IQGAP1: variants seen among roughly 807,000 people sequenced by gnomAD.
IQGAP1 encodes the protein ras GTPase-activating-like protein IQGAP1.
Under a neutral mutation model 215.6 loss-of-function variants are expected in IQGAP1, and 66 were observed. The observed-to-expected ratio is 0.31, with a 90% CI of 0.25 to 0.38. IQGAP1 has a LOEUF of 0.38. Ranked by LOEUF, IQGAP1 falls within the 10% of genes least tolerant of loss-of-function variation. The probability of loss-of-function intolerance (pLI) is 1.00; values close to 1 mark genes in which losing one functional copy is unlikely to be tolerated. For synonymous variants in IQGAP1, 772 were observed against 728.7 expected, an observed-to-expected ratio of 1.06 and a Z score of -0.96; for missense variants, 1,712 against 1,997.1, an observed-to-expected ratio of 0.86 and a Z score of 2.72.
chr15:90,495,088 A>G (rs1301866345), intron 36 of IQGAP1, among the ~76,000 whole-genome samples: 1 of 152,230 alleles, frequency 6.6e-6, no homozygotes, highest in East Asian at 1.9e-4. Context: ...ATTTTTCCTC[A>G]TTAAAGCAGG....
chr15:90,396,365 C>G (rs1016026113), intron 2 of IQGAP1, among the ~76,000 whole-genome samples: 1 of 151,986 alleles, frequency 6.6e-6, no homozygotes, highest in Admixed American at 6.6e-5. Context: ...GAATATCATG[C>G]CCAGCACTTC....
intron 26 of IQGAP1, among the ~76,000 whole-genome samples, chr15:90,480,219 TTAA>T (rs60762045): frequency 0.21 from 27,948 of 131,422 alleles, 3,588 homozygotes; most frequent in African/African-American, 0.4. Context: ...ACCCCATATC[TTAA>T]AAAAAAAAAA....
intron 37 of IQGAP1, among the ~76,000 whole-genome samples, chr15:90,498,737 T>G (rs943715492): frequency 7.9e-5 from 12 of 152,038 alleles, no homozygotes; most frequent in African/African-American, 2.9e-4. Flanking sequence ...AACCTCCACC[T>G]CGTGGGTTCA....
chr15:90,413,848 G>C (rs1965004355), intron 2 of IQGAP1, among the ~76,000 whole-genome samples: 3 of 152,150 alleles, frequency 2.0e-5, no homozygotes, highest in Non-Finnish European at 4.4e-5. Context: ...TGGAAGCTCA[G>C]AGAAGTTAGC....
intron 33 of IQGAP1, among the ~76,000 whole-genome samples, chr15:90,488,716 G>A (rs928256607): frequency 2.6e-5 from 4 of 152,176 alleles, no homozygotes; most frequent in African/African-American, 9.7e-5. Flanking sequence ...ACCGGAGCCA[G>A]ATGTATAAAG....
intron 2 of IQGAP1, among the ~76,000 whole-genome samples, chr15:90,424,907 G>GATT (rs1216468764): frequency 3.9e-5 from 6 of 152,034 alleles, no homozygotes; most frequent in Non-Finnish European, 7.4e-5. Flanking sequence ...TAGAGTCAAT[G>GATT]AAGTCTCTGA....
At chr15:90,421,061 C>T (rs1965127844) in intron 2 of IQGAP1, among the ~76,000 whole-genome samples, 1 of 152,110 alleles carries the variant, frequency 6.6e-6, no homozygotes, top group South Asian at 2.1e-4. Flanking sequence ...TGCTTGAACC[C>T]GGAAGCCAGA....
chr15:90,439,700 C>G (rs555172173), intron 6 of IQGAP1, among the ~76,000 whole-genome samples: 2 of 152,106 alleles, frequency 1.3e-5, no homozygotes, highest in Non-Finnish European at 2.9e-5. Flanking sequence ...ACTAAATGTT[C>G]GGGTATGTTG....
chr15:90,467,258 C>T (rs1023199744), intron 17 of IQGAP1, among the ~76,000 whole-genome samples, 192 bp from the exon 18 acceptor site: 4 of 152,114 alleles, frequency 2.6e-5, no homozygotes, highest in Non-Finnish European at 5.9e-5. Flanking sequence ...CATAAATGAG[C>T]TAAATTAGTC....
intron 2 of IQGAP1, among the ~76,000 whole-genome samples, chr15:90,407,372 A>G (rs748431839): frequency 3.3e-5 from 5 of 152,096 alleles, no homozygotes; most frequent in African/African-American, 4.8e-5. Flanking sequence ...AATTCAGTCA[A>G]CTGTTATATT....
chr15:90,402,788 G>GA (rs899938765), intron 2 of IQGAP1, among the ~76,000 whole-genome samples: 8 of 151,082 alleles, frequency 5.3e-5, no homozygotes, highest in South Asian at 4.2e-4. Context: ...GAAAAGAAGA[G>GA]AAAAAAAACT....
chr15:90,496,340 C>T (rs938068595), intron 36 of IQGAP1, among the ~76,000 whole-genome samples: 2 of 106,214 alleles, frequency 1.9e-5, no homozygotes, highest in Non-Finnish European at 3.4e-5. Flanking sequence ...TTTTTTGAGA[C>T]GGAGTCTCGC....
intron 2 of IQGAP1, among the ~76,000 whole-genome samples, chr15:90,406,869 CGTT>C (rs1462794152): frequency 6.6e-6 from 1 of 152,098 alleles, no homozygotes; most frequent in East Asian, 1.9e-4. Flanking sequence ...GTGGGAATAA[CGTT>C]GGTGGGAAAC....
At chr15:90,419,644 C>T (rs897158232) in intron 2 of IQGAP1, among the ~76,000 whole-genome samples, 29 of 151,930 alleles carry the variant, frequency 1.9e-4, no homozygotes, top group South Asian at 2.1e-4. Context: ...TGGTTTTGGT[C>T]GAGTCTATCA....
intron 37 of IQGAP1, among the ~76,000 whole-genome samples, chr15:90,497,741 A>G (rs1655328225): frequency 6.6e-6 from 1 of 152,366 alleles, no homozygotes; most frequent in Admixed American, 6.5e-5. Context: ...AGGTGTGTGT[A>G]AAGTTTATGT....
At chr15:90,442,307 T>C (rs963354982) in intron 8 of IQGAP1, among the ~76,000 whole-genome samples, 1 of 151,278 alleles carries the variant, frequency 6.6e-6, no homozygotes, top group African/African-American at 2.4e-5. Context: ...AAGTCAAAAA[T>C]TAGCCCAGCG....
intron 2 of IQGAP1, among the ~76,000 whole-genome samples, chr15:90,421,398 C>T (rs1965133723): frequency 6.6e-6 from 1 of 151,294 alleles, no homozygotes. Flanking sequence ...ATTGCTTGAA[C>T]TTGGGAGACG....
At chr15:90,470,219 C>CT (rs1473833942) in intron 18 of IQGAP1, among the ~76,000 whole-genome samples, 1 of 152,188 alleles carries the variant, frequency 6.6e-6, no homozygotes, top group Non-Finnish European at 1.5e-5. Flanking sequence ...GTACTTTGAA[C>CT]TTACTTGGAT....
At chr15:90,396,099 G>A (rs1287887857) in intron 2 of IQGAP1, among the ~76,000 whole-genome samples, 1 of 152,198 alleles carries the variant, frequency 6.6e-6, no homozygotes, top group East Asian at 1.9e-4. Flanking sequence ...GTCACTTTCT[G>A]TAATTTAGAG....
Sources: allele counts gnomAD v4.1 joint callset (sites outside exome capture counted in the v4.1 genomes callset), GRCh38; gene constraint gnomAD v4.1.1; transcripts MANE v1.5; gene names NCBI Gene and HGNC (gene_info 2026-07-23, HGNC 2026-07-21).